Variants in SLC1A4 observed in about 807,000 individuals in gnomAD.
SLC1A4 encodes the protein neutral amino acid transporter A.
In SLC1A4, 19 loss-of-function variants were observed where a neutral mutation model predicts 37.7. The ratio of observed to expected loss-of-function variants is 0.50; its 90% CI spans 0.35 to 0.74. The LOEUF (loss-of-function observed/expected upper bound fraction) is 0.74, where lower values mean the gene tolerates loss of function less well. Ranked by LOEUF, SLC1A4 falls within the 30% of genes least tolerant of loss-of-function variation. The pLI is 0.01. For synonymous variants in SLC1A4, 299 were observed against 309.8 expected (o/e 0.97, Z 0.37); for missense variants, 570 against 712.9 (o/e 0.80, Z 2.28).
At chr2:65,016,265 C>T (rs1047181586) in intron 4 of SLC1A4, among the ~76,000 whole-genome samples, 175 bp from the exon 5 acceptor site, 6 of 152,196 alleles carry the variant, frequency 3.9e-5, no homozygotes, top group Non-Finnish European at 7.3e-5. Context: ...TACCCAGTCT[C>T]ACAGGCTGTA....
At chr2:64,997,137 C>T (rs1002447103) in intron 1 of SLC1A4, among the ~76,000 whole-genome samples, 3 of 152,004 alleles carry the variant, frequency 2.0e-5, no homozygotes, top group African/African-American at 7.3e-5. Flanking sequence ...AGGATGAAAG[C>T]AAAGGAGGAT....
chr2:65,007,229 G>A (rs781039592), intron 3 of SLC1A4, among the ~76,000 whole-genome samples: 1 of 151,984 alleles, frequency 6.6e-6, no homozygotes, highest in Non-Finnish European at 1.5e-5. Context: ...TAGGCACCAA[G>A]AAGAACATTA....
intron 1 of SLC1A4, among the ~76,000 whole-genome samples, chr2:64,992,537 A>G (rs369491711): frequency 2.2e-4 from 33 of 152,284 alleles, no homozygotes; most frequent in African/African-American, 7.9e-4. Context: ...GCTCACGGAT[A>G]AAGGTAGGGC....
At position 65,022,408 on chromosome 2, in the gene SLC1A4, C is replaced by T. The variant is rs982728596; in HGVS notation, c.*1262C>T. 2.0e-5 allele frequency: 3 copies of T among 152,384 alleles called. No individual in the cohort carries two copies. The highest frequency in any genetic ancestry group is 1.3e-4 in the Admixed American group (2 of 15,306). The allele number at this position is 152,384 out of a possible 1,614,324, so 9.4% of individuals were successfully genotyped here. On this transcript the variant is annotated 3_prime_UTR_variant, in exon 8 of 8. Transcript: ENST00000234256. ...TGATGTAACAGGTCCTGGGGCCTCA[C>T]TTTACCCCATTTGTAAAATGGGGCT...
At chr2:64,996,619 A>C (rs1673261399) in intron 1 of SLC1A4, among the ~76,000 whole-genome samples, 2 of 152,220 alleles carry the variant, frequency 1.3e-5, no homozygotes, top group Admixed American at 1.3e-4. Context: ...TTCAAATGTA[A>C]ATAAAACTTA....
rs767350891 is a variant in SLC1A4, at chr2:65,022,307, C to T, written c.*1161C>T. Reference sequence around the variant, plus strand: ...GAAATGGTCCATGTTTTTCCAATTACCTGCTGACACGGTTCTAAGCTAAGT... The same window carrying T: ...GAAATGGTCCATGTTTTTCCAATTATCTGCTGACACGGTTCTAAGCTAAGT... On this transcript the variant is annotated 3_prime_UTR_variant, in exon 8 of 8. Coordinates refer to ENST00000234256, the MANE Select transcript of SLC1A4 (RefSeq NM_003038.5). 1.3e-5 allele frequency: 2 copies of T among 152,212 alleles called. No individual in the cohort carries two copies. The highest frequency in any genetic ancestry group is 2.4e-5 in the African/African-American group (1 of 41,466). 9.4% of individuals were successfully genotyped at this position (152,212 alleles called of 1,614,324 possible).
Position 65,016,604 on chromosome 2 carries a change from G to A in SLC1A4, c.965G>A (p.Arg322Gln), listed in dbSNP as rs752211802. The A allele has an allele frequency of 2.5e-5, 40 of 1,613,916 alleles. No individual in the cohort carries two copies. The highest frequency in any genetic ancestry group is 3.3e-4 in the Middle Eastern group (2 of 6,082). The change falls in exon 5 of 8, where the codon CGA becomes CAA. Residue 322 changes from arginine to glutamine, a missense_variant. By Grantham distance (43) the Arg-to-Gln change is conservative (BLOSUM62 1). Coordinates refer to ENST00000234256, the MANE Select transcript of SLC1A4 (RefSeq NM_003038.5). ...CCACTTATTTATTTTGTTTTCACACGAAAAAACCCATTCAGATTCCTCCTG... is the reference window on the plus strand; with the variant it reads ...CCACTTATTTATTTTGTTTTCACACAAAAAAACCCATTCAGATTCCTCCTG... ...VLPLIYFVFT[R>Q]KNPFRFLLGL...
chr2:64,990,027 C>T lies in SLC1A4; in HGVS notation c.384C>T (p.Ala128=). 6.2e-7 allele frequency: 1 copy of T among 1,603,372 alleles called. No homozygotes were observed. The highest frequency in any genetic ancestry group is 2.3e-5 in the East Asian group (1 of 44,416). The change falls in exon 1 of 8, where the codon GCC becomes GCT. Residue 128 remains alanine (A), a synonymous_variant. Transcript: ENST00000234256. ...VAYFGLTTLS[A]SALAVALAFI... ...ACTTTGGCCTCACCACACTGAGTGC[C>T]TCGGCGCTCGCCGTGGCCTTGGCGT... is the stretch of plus-strand genomic sequence containing the variant.
At chr2:65,020,609 C>T (rs1451153201) in intron 7 of SLC1A4, among the ~76,000 whole-genome samples, 4 of 152,008 alleles carry the variant, frequency 2.6e-5, no homozygotes, top group Non-Finnish European at 5.9e-5. Flanking sequence ...ATATAAAATA[C>T]GTGTATAGAA....
At chr2:64,991,902 C>T (rs1314826674) in intron 1 of SLC1A4, among the ~76,000 whole-genome samples, 1 of 152,232 alleles carries the variant, frequency 6.6e-6, no homozygotes, top group African/African-American at 2.4e-5. Context: ...TGCCTGGCCC[C>T]AGCTAACTGT....
intron 1 of SLC1A4, among the ~76,000 whole-genome samples, chr2:64,995,748 A>G (rs931842744): frequency 1.3e-5 from 2 of 152,196 alleles, no homozygotes; most frequent in African/African-American, 4.8e-5. Context: ...TAGATTTGGT[A>G]AAGAATTTTT....
At position 65,018,339 on chromosome 2, in the gene SLC1A4, C is replaced by T. The variant is rs535512977; in HGVS notation, c.1229+74C>T. The T allele has an allele frequency of 6.0e-6, 9 of 1,500,560 alleles. No individual in the cohort carries two copies. In the African/African-American group the frequency reaches 1.2e-4, roughly 21 times the overall value. 93.0% of individuals were successfully genotyped at this position (1,500,560 alleles called of 1,614,324 possible). A position where few individuals can be genotyped will look rare whatever the true frequency, so the allele number is the denominator to read the frequency against. On this transcript the variant is annotated intron_variant, in intron 6 of 7. Transcript: ENST00000234256. The surrounding 1 kb of genome is among the most constrained non-coding windows in gnomAD (Gnocchi z 4.3). ...GATTTCCTTTGAAAAACCAATCTCA[C>T]CACAACTTGGTGTCTCGCTCATAAA...
Position 65,018,372 on chromosome 2 carries a change from C to T in SLC1A4, c.1229+107C>T, listed in dbSNP as rs1350658758. ...TGGTGTCTCGCTCATAAAATGAGGA[C>T]AGTGGGGATTCATTACTTGAAGAGC... On this transcript the variant is annotated intron_variant, in intron 6 of 7. Coordinates refer to ENST00000234256, the MANE Select transcript of SLC1A4 (RefSeq NM_003038.5). The surrounding 1 kb of genome is among the most constrained non-coding windows in gnomAD (Gnocchi z 4.3). 7.2e-7 allele frequency: 1 copy of T among 1,385,718 alleles called. No homozygotes were observed. Among genetic ancestry groups the T allele is most frequent in the Non-Finnish European group, 9.9e-7 (1 of 1,008,506 alleles). 85.8% of individuals were successfully genotyped at this position (1,385,718 alleles called of 1,614,324 possible). A position where few individuals can be genotyped will look rare whatever the true frequency, so the allele number is the denominator to read the frequency against.
At chr2:65,020,865 G>A (rs200016558) in intron 7 of SLC1A4, 47 bp from the exon 8 acceptor site, 16 of 1,524,522 alleles carry the variant, frequency 1.0e-5, no homozygotes, top group East Asian at 4.5e-5. Flanking sequence ...GACAGGACCC[G>A]ATCGCCCAGC....
intron 2 of SLC1A4, among the ~76,000 whole-genome samples, chr2:65,003,088 G>A (rs1204413173): frequency 2.6e-5 from 4 of 152,088 alleles, no homozygotes; most frequent in Non-Finnish European, 4.4e-5. Flanking sequence ...GCTTTTTTTA[G>A]TGCCTGTCAC....
intron 5 of SLC1A4, among the ~76,000 whole-genome samples, chr2:65,017,453 C>T (rs888721189): frequency 1.3e-5 from 2 of 151,878 alleles, no homozygotes; most frequent in Admixed American, 6.6e-5. Flanking sequence ...TGCTCACTTC[C>T]TCCCAATCTG....
Position 65,001,572 on chromosome 2 carries a change from G to A in SLC1A4, c.570+82G>A, listed in dbSNP as rs76445319. 6,784 of 1,289,744 alleles carry A rather than the reference G, an allele frequency of 5.3e-3. 261 individuals are homozygous for A. The African/African-American group carries it at 0.085, about 16-fold the overall frequency. The allele number at this position is 1,289,744 out of a possible 1,614,324, so 79.9% of individuals were successfully genotyped here. On this transcript the variant is annotated intron_variant, in intron 2 of 7. Coordinates refer to ENST00000234256, the MANE Select transcript of SLC1A4 (RefSeq NM_003038.5). ...TACTGCTATAGAGTTAGGTAAGGTAGAACAGGGAGAGATGGTGGTGTTAAC... is the reference window on the plus strand; with the variant it reads ...TACTGCTATAGAGTTAGGTAAGGTAAAACAGGGAGAGATGGTGGTGTTAAC...
intron 7 of SLC1A4, among the ~76,000 whole-genome samples, chr2:65,020,470 T>G (rs970164147): frequency 6.6e-5 from 10 of 152,334 alleles, no homozygotes; most frequent in African/African-American, 2.4e-4. Context: ...TCTCACTATG[T>G]TGCCCAGGCT....
chr2:65,015,678 GGA>G (rs1396920627), intron 4 of SLC1A4, among the ~76,000 whole-genome samples: 2 of 152,164 alleles, frequency 1.3e-5, no homozygotes, highest in Admixed American at 6.5e-5. Context: ...TGGGTGCTTG[GGA>G]GAGAGATGAG....
Sources: allele counts gnomAD v4.1 joint callset (sites outside exome capture counted in the v4.1 genomes callset), GRCh38; gene constraint gnomAD v4.1.1; non-coding constraint Gnocchi (gnomAD v3.1); transcripts MANE v1.5; gene names NCBI Gene and HGNC (gene_info 2026-07-23, HGNC 2026-07-21).